Variants in RGS3 observed in about 807,000 individuals in gnomAD.
The protein encoded by RGS3 is regulator of G protein signaling 3, also known as regulator of G-protein signalling 3.
In RGS3, 80 loss-of-function variants were observed where a neutral mutation model predicts 132.6. That is an observed-to-expected ratio of 0.60 (90% CI 0.50 to 0.73). The LOEUF (loss-of-function observed/expected upper bound fraction) is 0.73. Among genes scored for constraint, RGS3 ranks in the 30% least tolerant of loss-of-function variants. The pLI, the probability that RGS3 is intolerant of heterozygous loss-of-function variation, is 0.00. For synonymous variants in RGS3, 598 were observed against 620.6 expected (o/e 0.96, Z 0.54); for missense variants, 1,382 against 1,530.8 (o/e 0.90, Z 1.62).
At chr9:113,476,218 G>A (rs549170894) in intron 3 of RGS3, among the ~76,000 whole-genome samples, 68 of 152,310 alleles carry the variant, frequency 4.5e-4, no homozygotes, top group Admixed American at 1.2e-3. Flanking sequence ...GAGGAGGTGC[G>A]TGCTAGAGGG....
intron 7 of RGS3, among the ~76,000 whole-genome samples, chr9:113,493,307 C>T (rs1830581627): frequency 6.6e-6 from 1 of 152,144 alleles, no homozygotes; most frequent in Non-Finnish European, 1.5e-5. Context: ...GGGGTGAGAG[C>T]ATTGTCCTTT....
At chr9:113,509,849 G>A (rs1461192008) in intron 14 of RGS3, among the ~76,000 whole-genome samples, 1 of 152,132 alleles carries the variant, frequency 6.6e-6, no homozygotes, top group Non-Finnish European at 1.5e-5. Flanking sequence ...TCCGGTCTGG[G>A]GCATTTGGGC....
intron 10 of RGS3, among the ~76,000 whole-genome samples, chr9:113,504,158 G>A (rs1831032080): frequency 6.6e-6 from 1 of 152,170 alleles, no homozygotes; most frequent in South Asian, 2.1e-4. Context: ...GGGATGGTGG[G>A]TAGGTGAATG....
At chr9:113,512,519 C>T (rs541064620) in intron 14 of RGS3, among the ~76,000 whole-genome samples, 12 of 152,192 alleles carry the variant, frequency 7.9e-5, no homozygotes, top group Non-Finnish European at 1.6e-4. Flanking sequence ...GTTTTTCTTA[C>T]CTTGCTTGGT....
At chr9:113,529,445 C>T (rs1294338152) in intron 18 of RGS3, among the ~76,000 whole-genome samples, 181 bp downstream of exon 16, 1 of 152,100 alleles carries the variant, frequency 6.6e-6, no homozygotes, top group Non-Finnish European at 1.5e-5. Context: ...CCATTCCTGC[C>T]CCTGCCTCTC....
chr9:113,482,182 A>G (rs1263289796), intron 4 of RGS3, among the ~76,000 whole-genome samples: 1 of 151,918 alleles, frequency 6.6e-6, no homozygotes, highest in Non-Finnish European at 1.5e-5. Context: ...GGTGCTGCCT[A>G]CTCTTGTGAC....
At chr9:113,520,679 C>T (rs1831909584) in intron 16 of RGS3, among the ~76,000 whole-genome samples, 3 of 151,832 alleles carry the variant, frequency 2.0e-5, no homozygotes, top group Admixed American at 2.0e-4. Flanking sequence ...TTTTGTGGGA[C>T]CCTGAGGGTT....
chr9:113,578,041 C>T (rs1433625107), intron 19 of RGS3, among the ~76,000 whole-genome samples: 3 of 152,226 alleles, frequency 2.0e-5, no homozygotes, highest in Admixed American at 6.5e-5. Context: ...CTCAGGAAAG[C>T]GGTCAGGGCT....
rs1023081112 is a variant in RGS3, at chr9:113,564,497, G to A, written c.2038-18953G>A. On this transcript the variant is annotated intron_variant, in intron 19 of 24. Transcript: ENST00000350696. Reference sequence around the variant, plus strand: ...ATGAAGAAACCGAGGCTCAGAGAGGGGAAGGAACTTGCTCAGTGACACCCA... The same window carrying A: ...ATGAAGAAACCGAGGCTCAGAGAGGAGAAGGAACTTGCTCAGTGACACCCA... Among the ~76,000 whole-genome samples, 8 of 152,160 alleles carry A rather than the reference G, an allele frequency of 5.3e-5. No homozygotes were observed. In the South Asian group the frequency reaches 1.2e-3, roughly 24 times the overall value.
At chr9:113,554,182 G>A (rs1170093120) in intron 19 of RGS3, among the ~76,000 whole-genome samples, 1 of 152,158 alleles carries the variant, frequency 6.6e-6, no homozygotes, top group African/African-American at 2.4e-5. Flanking sequence ...GAATGAGAGT[G>A]CCTGCTTCCC....
At chr9:113,573,816 G>A (rs1055594574) in intron 19 of RGS3, among the ~76,000 whole-genome samples, 6 of 152,120 alleles carry the variant, frequency 3.9e-5, no homozygotes, top group Non-Finnish European at 1.5e-5. Flanking sequence ...CCACTGCCTA[G>A]CACAGAGCCA....
intron 19 of RGS3, among the ~76,000 whole-genome samples, chr9:113,549,392 T>C (rs1833240041): frequency 6.6e-6 from 1 of 152,218 alleles, no homozygotes; most frequent in Non-Finnish European, 1.5e-5. Context: ...TATAACCCCC[T>C]TCCTTGGGGC....
At chr9:113,458,484 G>A (rs995215064), upstream of RGS3, among the ~76,000 whole-genome samples, 1 of 152,094 alleles carries the variant, frequency 6.6e-6, no homozygotes. Flanking sequence ...TGATTTGCTT[G>A]TATTTTATTA....
At chr9:113,467,030 T>C (rs1457928226) in intron 3 of RGS3, among the ~76,000 whole-genome samples, 5 of 152,250 alleles carry the variant, frequency 3.3e-5, no homozygotes, top group African/African-American at 1.2e-4. Context: ...GTTTAATCCA[T>C]GTTGTAGCAG....
chr9:113,547,104 T>C (rs1470529995), intron 19 of RGS3, among the ~76,000 whole-genome samples: 1 of 152,158 alleles, frequency 6.6e-6, no homozygotes, highest in Admixed American at 6.5e-5. Context: ...GGCTAGGTTC[T>C]TCATCACAGT....
chr9:113,538,841 C>T (rs1197417987), intron 19 of RGS3, among the ~76,000 whole-genome samples: 1 of 152,204 alleles, frequency 6.6e-6, no homozygotes, highest in African/African-American at 2.4e-5. Flanking sequence ...AGAATTACCT[C>T]CCGGGCCTAA....
chr9:113,517,776 G>A, intron 16 of RGS3, 152 bp downstream of exon 14: 1 of 604,472 alleles, frequency 1.7e-6, no homozygotes, highest in East Asian at 2.8e-5. Flanking sequence ...ACTCTCCCTA[G>A]CAAAGGCTAC....
chr9:113,564,747 C>T (rs1833921069), intron 19 of RGS3, among the ~76,000 whole-genome samples: 1 of 152,234 alleles, frequency 6.6e-6, no homozygotes, highest in Non-Finnish European at 1.5e-5. Flanking sequence ...ACATAGGATT[C>T]TGCAGAGTTT....
intron 19 of RGS3, chr9:113,581,559 G>T (rs1374668037): frequency 3.3e-5 from 5 of 152,232 alleles, no homozygotes; most frequent in Non-Finnish European, 5.9e-5. Context: ...TCTTCTGTAG[G>T]AGCTTTCGAG....
Sources: gnomAD v4.1 joint callset for allele counts (sites outside exome capture counted in the v4.1 genomes callset) on GRCh38, gnomAD v4.1.1 for gene constraint, MANE v1.5 for transcripts, NCBI Gene and HGNC (gene_info 2026-07-23, HGNC 2026-07-21) for gene names.